The following BMP6 variants were observed in gnomAD, a reference collection of about 807,000 sequenced individuals.
BMP6 encodes bone morphogenetic protein 6.
BMP6 carries 17 observed loss-of-function variants against 54.1 expected under a neutral mutation model. The ratio of observed to expected loss-of-function variants is 0.31; its 90% CI spans 0.22 to 0.47. The LOEUF is 0.47. Ranked by LOEUF, BMP6 falls within the 20% of genes least tolerant of loss-of-function variation. BMP6 has a pLI of 1.00. For missense variants in BMP6, 720 were observed against 690.4 expected, an observed-to-expected ratio of 1.04 and a Z score of -0.48; for synonymous variants, 328 against 291.2, an observed-to-expected ratio of 1.13 and a Z score of -1.28.
At chr6:7,815,335 C>G (rs1445905999) in intron 1 of BMP6, among the ~76,000 whole-genome samples, 1 of 152,152 alleles carries the variant, frequency 6.6e-6, no homozygotes, top group Non-Finnish European at 1.5e-5. Flanking sequence ...AGAGCAAGAA[C>G]TTCTGAATAA....
intron 1 of BMP6, among the ~76,000 whole-genome samples, chr6:7,813,179 A>G (rs1390585566): frequency 8.3e-6 from 1 of 121,122 alleles, no homozygotes; most frequent in Non-Finnish European, 1.7e-5. Flanking sequence ...TAGATAAGGG[A>G]TCTTCATGAC....
intron 2 of BMP6, among the ~76,000 whole-genome samples, chr6:7,852,208 G>A (rs1407544370): frequency 6.6e-6 from 1 of 152,204 alleles, no homozygotes; most frequent in Non-Finnish European, 1.5e-5. Context: ...AGGTTAGGCA[G>A]GGTTTAAGGA....
intron 1 of BMP6, among the ~76,000 whole-genome samples, chr6:7,741,992 A>G (rs1757273662): frequency 6.6e-6 from 1 of 152,264 alleles, no homozygotes; most frequent in African/African-American, 2.4e-5. Context: ...CATTGAATAA[A>G]TGTCAGTTTC....
chr6:7,753,406 G>A (rs1351364903), intron 1 of BMP6, among the ~76,000 whole-genome samples: 1 of 152,222 alleles, frequency 6.6e-6, no homozygotes, highest in Non-Finnish European at 1.5e-5. Context: ...CCACTAGGGA[G>A]CGTGTCAGAA....
chr6:7,791,921 G>GT (rs1355112488), intron 1 of BMP6, among the ~76,000 whole-genome samples: 2 of 152,122 alleles, frequency 1.3e-5, no homozygotes, highest in African/African-American at 4.8e-5. Context: ...CAAAAACCCT[G>GT]TAAGACTTCC....
chr6:7,788,431 A>G (rs1250637818), intron 1 of BMP6, among the ~76,000 whole-genome samples: 1 of 152,224 alleles, frequency 6.6e-6, no homozygotes, highest in African/African-American at 2.4e-5. Context: ...AATGGGGAAA[A>G]TGACTGGCTG....
chr6:7,866,669 T>C (rs1022598083), intron 4 of BMP6, among the ~76,000 whole-genome samples: 1 of 152,174 alleles, frequency 6.6e-6, no homozygotes, highest in Non-Finnish European at 1.5e-5. Flanking sequence ...GCAGAATTGG[T>C]CTTTGTTTTG....
At chr6:7,846,022 A>G (rs1561790234) in intron 2 of BMP6, among the ~76,000 whole-genome samples, 2 of 152,262 alleles carry the variant, frequency 1.3e-5, no homozygotes, top group South Asian at 4.1e-4. Context: ...GCCAATACAC[A>G]GAAGCCAATG....
chr6:7,830,935 C>CA (rs1334150552), intron 1 of BMP6, among the ~76,000 whole-genome samples: 1 of 152,068 alleles, frequency 6.6e-6, no homozygotes, highest in South Asian at 2.1e-4. Context: ...AGAGGAAGAG[C>CA]AAAAGAGAAT....
chr6:7,727,458 C>G lies in BMP6; in HGVS notation c.503C>G (p.Ser168Trp). The G allele has an allele frequency of 6.3e-7, 1 of 1,598,626 alleles. No homozygotes were observed. Among genetic ancestry groups the G allele is most frequent in the Non-Finnish European group, 8.5e-7 (1 of 1,175,790 alleles). ...QQSWPHEAAS[S>W]SQRRQPPPGA... ...TCCTGGCCCCACGAAGCAGCCAGCT[C>G]GTCCCAGCGTCGGCAGCCGCCCCCG... The change falls in exon 1 of 7, where the codon TCG becomes TGG. Residue 168 changes from serine (S) to tryptophan (W), a missense_variant. Transcript: ENST00000283147.
intron 4 of BMP6, 36 bp from the exon 5 acceptor site, chr6:7,879,038 C>T: frequency 6.3e-7 from 1 of 1,591,176 alleles, no homozygotes; most frequent in Middle Eastern, 1.7e-4. Flanking sequence ...ATGGGTGCAT[C>T]TTTTGATGGG....
At chr6:7,768,807 C>T (rs1757733174) in intron 1 of BMP6, among the ~76,000 whole-genome samples, 1 of 152,160 alleles carries the variant, frequency 6.6e-6, no homozygotes, top group African/African-American at 2.4e-5. Context: ...AACATTTCTC[C>T]CTCTCTTGAA....
chr6:7,786,685 C>T (rs1291354948), intron 1 of BMP6, among the ~76,000 whole-genome samples: 1 of 151,966 alleles, frequency 6.6e-6, no homozygotes, highest in East Asian at 1.9e-4. Context: ...AACAGACAGC[C>T]CCCAGTGACA....
intron 1 of BMP6, among the ~76,000 whole-genome samples, chr6:7,814,962 T>C (rs979364853): frequency 1.3e-5 from 2 of 152,226 alleles, no homozygotes; most frequent in Non-Finnish European, 2.9e-5. Flanking sequence ...TCTGCACATG[T>C]ATCCCAGAAC....
chr6:7,841,869 A>G (rs1408837372), intron 1 of BMP6, among the ~76,000 whole-genome samples: 1 of 152,166 alleles, frequency 6.6e-6, no homozygotes, highest in African/African-American at 2.4e-5. Flanking sequence ...AATGGGTTCT[A>G]TTTTACATTG....
At chr6:7,835,325 G>A (rs990581272) in intron 1 of BMP6, among the ~76,000 whole-genome samples, 1 of 152,166 alleles carries the variant, frequency 6.6e-6, no homozygotes, top group East Asian at 1.9e-4. Context: ...GGTTAGCCAG[G>A]ATGGTCTCGA....
chr6:7,845,065 G>C (rs1759039746), intron 1 of BMP6, 75 bp from the exon 2 acceptor site: 1 of 1,356,750 alleles, frequency 7.4e-7, no homozygotes, highest in Non-Finnish European at 1.0e-6. Flanking sequence ...AGTCAAACGG[G>C]GAAACTGGTG....
intron 1 of BMP6, among the ~76,000 whole-genome samples, chr6:7,756,714 A>C (rs139916663): frequency 9.9e-4 from 150 of 152,244 alleles, no homozygotes; most frequent in Non-Finnish European, 1.8e-3. Context: ...GATCCTTTTG[A>C]ACTTTGCTTT....
In BMP6 at chr6:7,834,754, T is replaced by C. The variant is rs12664632; in HGVS notation, c.665-10386T>C. On this transcript the variant is annotated intron_variant, in intron 1 of 6. Transcript: ENST00000283147. ...ATTAAACAGTGAAGGAGAGAACTGG[T>C]AAATGTGTAAATAGAAGATATTACC... is the stretch of plus-strand genomic sequence containing the variant. 2.7e-3 allele frequency among the ~76,000 whole-genome samples: 418 copies of C among 152,342 alleles called. 4 individuals are homozygous for C. The highest frequency in any genetic ancestry group is 9.5e-3 in the African/African-American group (395 of 41,576).
Sources: allele counts gnomAD v4.1 joint callset (sites outside exome capture counted in the v4.1 genomes callset), GRCh38; gene constraint gnomAD v4.1.1; transcripts MANE v1.5; gene names NCBI Gene and HGNC (gene_info 2026-07-23, HGNC 2026-07-21).